The following ZBTB20 variants were observed in gnomAD, a reference collection of about 807,000 sequenced individuals.
ZBTB20 encodes zinc finger and BTB domain-containing protein 20.
Under a neutral mutation model 56.9 loss-of-function variants are expected in ZBTB20, and 9 were observed. That is an observed-to-expected ratio of 0.16 (90% confidence interval 0.10 to 0.28). The LOEUF is 0.28. Among genes scored for constraint, ZBTB20 ranks in the 10% least tolerant of loss-of-function variants. ZBTB20 has a pLI of 1.00. For missense variants in ZBTB20, 655 were observed against 1,003.0 expected (o/e 0.65, Z 4.69); for synonymous variants, 417 against 420.7 (o/e 0.99, Z 0.11).
At position 114,959,254 on chromosome 3, in the gene ZBTB20, CA is replaced by C. The variant is rs201899270; in HGVS notation, c.-456+15111del. ...TTTTCCTCAATAAAATGTTAATAAA[CA>C]AAAAAAATTGACATGAGGGAAAAGA... On this transcript the variant is annotated intron_variant, in intron 3 of 11. Coordinates refer to ENST00000675478, the MANE Select transcript of ZBTB20 (RefSeq NM_001348800.3). 9.5e-3 allele frequency among the ~76,000 whole-genome samples: 1,441 copies of C among 151,492 alleles called. 10 individuals are homozygous for C. Among genetic ancestry groups the C allele is most frequent in the African/African-American group, 0.031 (1,294 of 41,334 alleles).
chr3:114,960,689 G>A (rs57864583), intron 3 of ZBTB20, among the ~76,000 whole-genome samples: 11,615 of 152,192 alleles, frequency 0.076, 546 homozygotes, highest in Admixed American at 0.16. Context: ...TACATTCCCT[G>A]AAAACATTTC....
chr3:114,462,083 A>T (rs989405406), intron 7 of ZBTB20, among the ~76,000 whole-genome samples: 19 of 152,238 alleles, frequency 1.2e-4, no homozygotes, highest in Admixed American at 1.2e-3. Context: ...TGTAGAAGTT[A>T]ACAAGATCAT....
At chr3:114,380,076 G>A (rs1390557241) in intron 10 of ZBTB20, 141 bp downstream of exon 10, 3 of 909,294 alleles carry the variant, frequency 3.3e-6, no homozygotes, top group Admixed American at 3.5e-5. Context: ...TTGGCTGAAT[G>A]AAAATGGTGG....
At chr3:115,120,419 A>G (rs1013273900) in intron 1 of ZBTB20, among the ~76,000 whole-genome samples, 20 of 152,132 alleles carry the variant, frequency 1.3e-4, no homozygotes, top group African/African-American at 4.8e-4. Context: ...AAGAATTAAC[A>G]TCATACAAAC....
intron 10 of ZBTB20, among the ~76,000 whole-genome samples, chr3:114,373,745 G>T (rs140966885): frequency 1.4e-4 from 22 of 152,228 alleles, no homozygotes; most frequent in African/African-American, 5.3e-4. Context: ...CCTAATCTTA[G>T]CTGAGGACTT....
At chr3:115,026,216 A>T (rs910823915) in intron 2 of ZBTB20, among the ~76,000 whole-genome samples, 1 of 150,986 alleles carries the variant, frequency 6.6e-6, no homozygotes, top group Non-Finnish European at 1.5e-5. Context: ...TTTGACTAGG[A>T]TTATTTCTGG....
chr3:114,498,415 T>C (rs1348082687), intron 7 of ZBTB20, among the ~76,000 whole-genome samples: 1 of 152,162 alleles, frequency 6.6e-6, no homozygotes, highest in Non-Finnish European at 1.5e-5. Flanking sequence ...GTCAAAGCAC[T>C]GGGGAGATAA....
intron 2 of ZBTB20, among the ~76,000 whole-genome samples, chr3:115,046,827 A>AAAAC (rs759783394): frequency 2.0e-5 from 3 of 152,180 alleles, no homozygotes; most frequent in Non-Finnish European, 4.4e-5. Flanking sequence ...ATAATTATTA[A>AAAAC]AAACAAACAA....
At chr3:114,694,778 A>C (rs2108334348) in intron 5 of ZBTB20, among the ~76,000 whole-genome samples, 1 of 152,202 alleles carries the variant, frequency 6.6e-6, no homozygotes, top group South Asian at 2.1e-4. Context: ...AAATCAGCCA[A>C]CAGTCTATGT....
intron 2 of ZBTB20, among the ~76,000 whole-genome samples, chr3:115,004,562 CAAA>C (rs2079388442): frequency 6.6e-6 from 1 of 151,572 alleles, no homozygotes; most frequent in African/African-American, 2.4e-5. Flanking sequence ...AAAGGAAAGA[CAAA>C]AAACAAGAGG....
chr3:114,435,010 CA>C (rs2090420508), intron 7 of ZBTB20, among the ~76,000 whole-genome samples: 1 of 152,094 alleles, frequency 6.6e-6, no homozygotes, highest in Non-Finnish European at 1.5e-5. Flanking sequence ...ACTGTGTTAT[CA>C]GGGGGCCATT....
At chr3:115,005,075 A>G (rs2079408104) in intron 2 of ZBTB20, among the ~76,000 whole-genome samples, 1 of 151,632 alleles carries the variant, frequency 6.6e-6, no homozygotes, top group Admixed American at 6.6e-5. Context: ...GTGGGTAGTC[A>G]TTGTATTCAA....
intron 2 of ZBTB20, among the ~76,000 whole-genome samples, chr3:114,989,241 C>G (rs1359906263): frequency 6.6e-6 from 1 of 152,154 alleles, no homozygotes; most frequent in Non-Finnish European, 1.5e-5. Flanking sequence ...TTAGGTCTAA[C>G]ATTTAAGTCT....
chr3:114,918,025 G>A (rs2107741229), intron 3 of ZBTB20, among the ~76,000 whole-genome samples: 1 of 152,236 alleles, frequency 6.6e-6, no homozygotes, highest in Middle Eastern at 3.4e-3. Flanking sequence ...CCAGGGCCTG[G>A]AGTAAGAAAC....
chr3:114,518,540 G>A (rs1206274547), intron 6 of ZBTB20: 3 of 152,156 alleles, frequency 2.0e-5, no homozygotes, highest in African/African-American at 2.4e-5. Context: ...TTGCTGTTAT[G>A]CTGTGTGGAG....
chr3:114,822,074 G>T (rs2073282066), intron 4 of ZBTB20, among the ~76,000 whole-genome samples: 1 of 152,022 alleles, frequency 6.6e-6, no homozygotes. Flanking sequence ...AGACTTGATA[G>T]TGTAACATTA....
intron 1 of ZBTB20, among the ~76,000 whole-genome samples, chr3:115,138,415 A>G (rs2084712674): frequency 6.6e-6 from 1 of 152,102 alleles, no homozygotes; most frequent in Admixed American, 6.6e-5. Context: ...CACAGCAACC[A>G]TTGTTCCTAC....
intron 7 of ZBTB20, among the ~76,000 whole-genome samples, chr3:114,493,010 T>C (rs1460483324): frequency 3.3e-5 from 5 of 152,218 alleles, no homozygotes; most frequent in African/African-American, 1.2e-4. Flanking sequence ...TTATCCTTTA[T>C]AGCAACACTC....
rs1424193421 is a variant in ZBTB20, at chr3:114,749,909, CA to C, written c.-343+51191del. ...GAGAGGTCACTCAATACATGGCAGC[CA>C]AATCACCACATGCAGTAAAACCCAG... On this transcript the variant is annotated intron_variant, in intron 5 of 11. Coordinates refer to ENST00000675478, the MANE Select transcript of ZBTB20 (RefSeq NM_001348800.3). Among the ~76,000 whole-genome samples, 3 of 152,144 alleles carry C rather than the reference CA, an allele frequency of 2.0e-5. No homozygotes were observed. The East Asian group carries it at 5.8e-4, about 29-fold the overall frequency.
Sources: gnomAD v4.1 joint callset for allele counts (sites outside exome capture counted in the v4.1 genomes callset) on GRCh38, gnomAD v4.1.1 for gene constraint, MANE v1.5 for transcripts, NCBI Gene and HGNC (gene_info 2026-07-23, HGNC 2026-07-21) for gene names.